Variants in PIEZO2 observed in about 807,000 individuals in gnomAD.
The protein encoded by PIEZO2 is piezo-type mechanosensitive ion channel component 2.
A neutral mutation model predicts 337.3 loss-of-function variants in PIEZO2; 172 were observed. That is an observed-to-expected ratio of 0.51 (90% CI 0.45 to 0.58). PIEZO2 has a LOEUF of 0.58. Ranked by LOEUF, PIEZO2 falls within the 20% of genes least tolerant of loss-of-function variation. The pLI, the probability that PIEZO2 is intolerant of heterozygous loss-of-function variation, is 0.00. For synonymous variants in PIEZO2, 1,251 were observed against 1,228.5 expected, an observed-to-expected ratio of 1.02 and a Z score of -0.38; for missense variants, 3,028 against 3,391.3, an observed-to-expected ratio of 0.89 and a Z score of 2.66.
Position 10,794,727 on chromosome 18 carries a change from TG to T in PIEZO2, c.1758+44del, listed in dbSNP as rs1393599407. The T allele has an allele frequency of 6.1e-6, 8 of 1,314,058 alleles. No homozygotes were observed. In the African/African-American group the frequency reaches 1.2e-4, roughly 20 times the overall value. The allele number at this position is 1,314,058 out of a possible 1,614,324, so 81.4% of individuals were successfully genotyped here. A position where few individuals can be genotyped will look rare whatever the true frequency, so the allele number is the denominator to read the frequency against. ...TTGGATACGATTATGATGATGATTG[TG>T]GTTTTGTGTCATTGTTTTGTTTTAT... is the stretch of plus-strand genomic sequence containing the variant. On this transcript the variant is annotated intron_variant, in intron 13 of 55. Coordinates refer to ENST00000674853, the MANE Select transcript of PIEZO2 (RefSeq NM_001378183.1). This position sits in a 1 kb window ranked among gnomAD's most constrained non-coding sequence, Gnocchi z 6.6.
chr18:10,700,990 G>T (rs1313927028), intron 43 of PIEZO2, among the ~76,000 whole-genome samples: 1 of 152,178 alleles, frequency 6.6e-6, no homozygotes, highest in South Asian at 2.1e-4. Flanking sequence ...AGATGAAACC[G>T]AGTTTGAAAT....
At chr18:10,772,313 C>T (rs17488442) in intron 20 of PIEZO2, among the ~76,000 whole-genome samples, 44,876 of 152,026 alleles carry the variant, frequency 0.3, 7,699 homozygotes, top group Middle Eastern at 0.41. Context: ...ATGATTTAGA[C>T]GTGTAGCTGC....
intron 21 of PIEZO2, among the ~76,000 whole-genome samples, chr18:10,763,908 C>T (rs533692724): frequency 2.9e-4 from 44 of 152,116 alleles, no homozygotes; most frequent in Admixed American, 4.6e-4. Context: ...CTTGGTGGGC[C>T]GGTGGGTAAG....
rs1026913624 is a variant in PIEZO2, at chr18:10,979,871, T to C, written c.161-211A>G. ...TATTTGGGTTTATATTTATTAAAAATTCACTGTAAAAGAAGGATAATTTCC... is the reference window on the plus strand; with the variant it reads ...TATTTGGGTTTATATTTATTAAAAACTCACTGTAAAAGAAGGATAATTTCC... On this transcript the variant is annotated intron_variant, in intron 2 of 55. Coordinates refer to ENST00000674853, the MANE Select transcript of PIEZO2 (RefSeq NM_001378183.1). The surrounding 1 kb of genome is among the most constrained non-coding windows in gnomAD (Gnocchi z 4.0). 6.6e-6 allele frequency among the ~76,000 whole-genome samples: 1 copy of C among 152,180 alleles called. No homozygotes were observed. The highest frequency in any genetic ancestry group is 2.4e-5 in the African/African-American group (1 of 41,448).
chr18:11,056,452 C>T (rs1176830591), intron 2 of PIEZO2, among the ~76,000 whole-genome samples: 1 of 152,174 alleles, frequency 6.6e-6, no homozygotes, highest in Non-Finnish European at 1.5e-5. Context: ...TTTTAGAAAT[C>T]TAGGCTCTTA....
At position 10,705,664 on chromosome 18, in the gene PIEZO2, C is replaced by T. The variant is rs1028550102; in HGVS notation, c.5671G>A (p.Glu1891Lys). 4 of 1,537,000 alleles carry T rather than the reference C, an allele frequency of 2.6e-6. No individual in the cohort carries two copies. The African/African-American group carries it at 5.5e-5, about 21-fold the overall frequency. The change falls in exon 41 of 56, where the codon GAG becomes AAG. Residue 1891 changes from glutamate to lysine, a missense_variant. By Grantham distance (56) the Glu-to-Lys change is moderately conservative (BLOSUM62 1). Coordinates refer to ENST00000674853, the MANE Select transcript of PIEZO2 (RefSeq NM_001378183.1). ...GGCTCAGGCGCCGTGCTCCCTGCCTCCTCCTCCTGCTCAGCCTCCACCTCC... is the reference window on the plus strand; with the variant it reads ...GGCTCAGGCGCCGTGCTCCCTGCCTTCTCCTCCTGCTCAGCCTCCACCTCC... ...IEEVEAEQEE[E>K]AGSTAPEPRE...
At chr18:10,997,246 A>C (rs2035358154) in intron 2 of PIEZO2, among the ~76,000 whole-genome samples, 1 of 144,868 alleles carries the variant, frequency 6.9e-6, no homozygotes, top group Admixed American at 6.8e-5. Context: ...ACTGCCTGCA[A>C]AAAAAAAAAA....
intron 2 of PIEZO2, among the ~76,000 whole-genome samples, chr18:11,034,152 C>A (rs913622742): frequency 2.1e-4 from 32 of 151,628 alleles, no homozygotes; most frequent in African/African-American, 7.5e-4. Context: ...TCTTATTGTG[C>A]TGCTCCTCTC....
At chr18:10,804,051 G>A in intron 8 of PIEZO2, 57 bp from the exon 9 acceptor site, 1 of 1,522,218 alleles carries the variant, frequency 6.6e-7, no homozygotes, top group African/African-American at 1.4e-5. Flanking sequence ...TAGACAGCCT[G>A]GGTGGCCAAG....
At chr18:11,062,373 C>G (rs887957029) in intron 2 of PIEZO2, among the ~76,000 whole-genome samples, 66 of 152,210 alleles carry the variant, frequency 4.3e-4, no homozygotes, top group African/African-American at 1.6e-3. Context: ...TCTAAAACAC[C>G]AAAAGCAATG....
At chr18:10,711,729 A>G (rs1412334156) in intron 39 of PIEZO2, among the ~76,000 whole-genome samples, 1 of 152,244 alleles carries the variant, frequency 6.6e-6, no homozygotes, top group Non-Finnish European at 1.5e-5. Context: ...GAAAGATGCA[A>G]AGGTGCAATA....
At chr18:11,093,066 C>T (rs2039146679) in intron 1 of PIEZO2, among the ~76,000 whole-genome samples, 1 of 152,202 alleles carries the variant, frequency 6.6e-6, no homozygotes, top group Admixed American at 6.5e-5. Flanking sequence ...TTTCTGGAAA[C>T]ACTGCAGCTT....
chr18:10,833,605 G>C lies in PIEZO2; in HGVS notation c.917+21748C>G, dbSNP rs1306501459. On this transcript the variant is annotated intron_variant, in intron 7 of 55. Transcript: ENST00000674853. This position sits in a 1 kb window ranked among gnomAD's most constrained non-coding sequence, Gnocchi z 4.7. Reference sequence around the variant, plus strand: ...TGCACCTGAACCACGCAAGCTGTGAGGACCTCACCTCGCAGAGGCTTCCAG... The same window carrying C: ...TGCACCTGAACCACGCAAGCTGTGACGACCTCACCTCGCAGAGGCTTCCAG... 6.6e-6 allele frequency among the ~76,000 whole-genome samples: 1 copy of C among 152,206 alleles called. No individual in the cohort carries two copies. The highest frequency in any genetic ancestry group is 1.5e-5 in the Non-Finnish European group (1 of 68,038).
rs927337227 is a variant in PIEZO2 at position 10,899,121 on chromosome 18, T to A, written c.329+12065A>T. On this transcript the variant is annotated intron_variant, in intron 4 of 55. Coordinates refer to ENST00000674853, the MANE Select transcript of PIEZO2 (RefSeq NM_001378183.1). This position sits in a 1 kb window ranked among gnomAD's most constrained non-coding sequence, Gnocchi z 4.6. ...CTAGCAAAGGGAAGCATGGGCTCTA[T>A]AGTTAAAAAGACCTAACTGCCTTCG... Among the ~76,000 whole-genome samples, 3 of 152,188 alleles carry A rather than the reference T, an allele frequency of 2.0e-5. No homozygotes were observed. The highest frequency in any genetic ancestry group is 4.1e-4 in the South Asian group (2 of 4,828).
chr18:10,754,186 T>A (rs2037750043), intron 27 of PIEZO2, among the ~76,000 whole-genome samples: 1 of 152,252 alleles, frequency 6.6e-6, no homozygotes, highest in Non-Finnish European at 1.5e-5. Context: ...CTTGTGAAGA[T>A]AACATGGAAA....
At chr18:10,996,769 A>T (rs1045937786) in intron 2 of PIEZO2, among the ~76,000 whole-genome samples, 4 of 152,182 alleles carry the variant, frequency 2.6e-5, no homozygotes, top group African/African-American at 9.7e-5. Flanking sequence ...TGCTGTGATC[A>T]TGCACATACA....
intron 1 of PIEZO2, among the ~76,000 whole-genome samples, chr18:11,098,529 A>G (rs374421091): frequency 3.3e-4 from 49 of 149,640 alleles, no homozygotes; most frequent in African/African-American, 1.1e-3. Context: ...TCTAGTGTGC[A>G]CTACAGTTTA....
chr18:10,835,607 G>A (rs941709434), intron 7 of PIEZO2, among the ~76,000 whole-genome samples: 3 of 151,474 alleles, frequency 2.0e-5, no homozygotes, highest in Non-Finnish European at 2.9e-5. Flanking sequence ...GCAGTGGCGC[G>A]ATCTCGGTTC....
chr18:11,012,108 GC>G (rs2035928522), intron 2 of PIEZO2, among the ~76,000 whole-genome samples: 1 of 152,124 alleles, frequency 6.6e-6, no homozygotes, highest in African/African-American at 2.4e-5. Context: ...AGCAACTTGT[GC>G]CCTATCTTTG....
Sources: gnomAD v4.1 joint callset for allele counts (sites outside exome capture counted in the v4.1 genomes callset) on GRCh38, gnomAD v4.1.1 for gene constraint, Gnocchi (gnomAD v3.1) non-coding constraint, MANE v1.5 for transcripts, NCBI Gene and HGNC (gene_info 2026-07-23, HGNC 2026-07-21) for gene names.